The following PAK2 variants were observed in gnomAD, a reference collection of about 807,000 sequenced individuals.
The protein encoded by PAK2 is serine/threonine-protein kinase PAK 2.
Under a neutral mutation model 65.9 loss-of-function variants are expected in PAK2, and 21 were observed. The observed-to-expected ratio is 0.32, with a 90% CI of 0.23 to 0.46. The LOEUF (loss-of-function observed/expected upper bound fraction) is 0.46. PAK2 is among the 20% of genes least tolerant of loss of function. The pLI, the probability that PAK2 is intolerant of heterozygous loss-of-function variation, is 1.00. For synonymous variants in PAK2, 204 were observed against 219.7 expected (o/e 0.93, Z 0.63); for missense variants, 324 against 642.6 (o/e 0.50, Z 5.36).
intron 11 of PAK2, among the ~76,000 whole-genome samples, chr3:196,815,837 A>G (rs1262349460): frequency 6.6e-6 from 1 of 151,970 alleles, no homozygotes; most frequent in East Asian, 1.9e-4. Context: ...AACTAGAACT[A>G]TCTCAGGTCA....
rs941513466 is a variant in PAK2, at chr3:196,739,897, G to A, written c.-282G>A. The A allele has an allele frequency of 2.0e-5, 3 of 152,144 alleles. No homozygotes were observed. The highest frequency in any genetic ancestry group is 7.3e-5 in the African/African-American group (3 of 41,372). 9.4% of individuals were successfully genotyped at this position (152,144 alleles called of 1,614,324 possible). On this transcript the variant is annotated 5_prime_UTR_variant, in exon 1 of 15. Coordinates refer to ENST00000327134, the MANE Select transcript of PAK2 (RefSeq NM_002577.4). The stretch of plus-strand genomic sequence containing the variant: ...GGTTGTGGCCACGCGCAGCGGCGGC[G>A]GTTGTTCCGCTTCCCCTCCGGCCCG...
chr3:196,810,628 A>G lies in PAK2; in HGVS notation c.748A>G (p.Thr250Ala), dbSNP rs772147263. The G allele has an allele frequency of 1.9e-6, 3 of 1,551,986 alleles. No homozygotes were observed. Among genetic ancestry groups the G allele is most frequent in the African/African-American group, 1.4e-5 (1 of 73,724 alleles). The change falls in exon 8 of 15, where the codon ACA becomes GCA. Residue 250 changes from threonine (T) to alanine (A), a missense_variant. This residue lies in a region of PAK2 where 183 missense variants were observed against 246.2 expected (regional missense o/e 0.74). Transcript: ENST00000327134. Reference sequence around the variant, plus strand: ...CATAGGTGACCCTAAGAAAAAATATACAAGATATGAAAAAATTGGACAAGG... The same window carrying G: ...CATAGGTGACCCTAAGAAAAAATATGCAAGATATGAAAAAATTGGACAAGG... The part of the protein sequence containing the change: ...VSIGDPKKKY[T>A]RYEKIGQGAS...
At chr3:196,778,499 T>G (rs770074867) in intron 1 of PAK2, among the ~76,000 whole-genome samples, 22 of 152,210 alleles carry the variant, frequency 1.4e-4, no homozygotes, top group Non-Finnish European at 2.5e-4. Context: ...TAGGGGATAA[T>G]TTTAGATTTA....
rs150440729 is a variant in PAK2, at chr3:196,791,490, T to G, written c.187+8657T>G. On this transcript the variant is annotated intron_variant, in intron 2 of 14. Transcript: ENST00000327134. The surrounding 1 kb of genome is among the most constrained non-coding windows in gnomAD (Gnocchi z 4.0). Reference sequence around the variant, plus strand: ...TCTCTAAACTCTTAACGTTTCCAAGTTGAAGAATATGACTAGGCCTTAGAC... The same window carrying G: ...TCTCTAAACTCTTAACGTTTCCAAGGTGAAGAATATGACTAGGCCTTAGAC... Among the ~76,000 whole-genome samples the G allele has an allele frequency of 2.0e-3, 311 of 152,338 alleles. 4 individuals are homozygous for G. The highest frequency in any genetic ancestry group is 6.8e-3 in the African/African-American group (283 of 41,580).
chr3:196,789,482 C>CT (rs60083205), intron 2 of PAK2, among the ~76,000 whole-genome samples: 11 of 150,576 alleles, frequency 7.3e-5, no homozygotes, highest in African/African-American at 2.5e-4. Context: ...TTTCTTTTTT[C>CT]TTTTTTGTTT....
At chr3:196,771,780 A>T (rs1714368326) in intron 1 of PAK2, among the ~76,000 whole-genome samples, 1 of 151,756 alleles carries the variant, frequency 6.6e-6, no homozygotes, top group South Asian at 2.1e-4. Context: ...CTGGTCTCGA[A>T]CTCCCGACCT....
intron 2 of PAK2, among the ~76,000 whole-genome samples, chr3:196,795,301 A>G (rs549508551): frequency 9.9e-5 from 15 of 151,758 alleles, no homozygotes; most frequent in African/African-American, 3.4e-4. Context: ...ACAAAAAAAA[A>G]AAAAGAAAAA....
At chr3:196,761,882 C>T (rs1205207661) in intron 1 of PAK2, among the ~76,000 whole-genome samples, 5 of 148,838 alleles carry the variant, frequency 3.4e-5, no homozygotes, top group African/African-American at 9.9e-5. Context: ...CGGACGGAGA[C>T]GCTCCTCACT....
chr3:196,811,319 CTTCCTTCCCT>C, intron 8 of PAK2, among the ~76,000 whole-genome samples: 2 of 51,318 alleles, frequency 3.9e-5, no homozygotes, highest in Non-Finnish European at 7.8e-5. Context: ...CCTTCCTTTC[CTTCCTTCCCT>C]TCCCTCCCTT....
intron 2 of PAK2, among the ~76,000 whole-genome samples, chr3:196,798,928 T>C (rs1343510439): frequency 6.6e-6 from 1 of 152,132 alleles, no homozygotes; most frequent in Non-Finnish European, 1.5e-5. Flanking sequence ...AAACCTACCA[T>C]TGGCATTAAA....
intron 1 of PAK2, among the ~76,000 whole-genome samples, chr3:196,777,589 T>G (rs1484012286): frequency 6.6e-6 from 1 of 152,232 alleles, no homozygotes; most frequent in Admixed American, 6.5e-5. Context: ...TCATTAATGT[T>G]GACAAGTGTA....
intron 2 of PAK2, among the ~76,000 whole-genome samples, chr3:196,799,842 G>A (rs766391184): frequency 6.6e-6 from 1 of 152,104 alleles, no homozygotes; most frequent in Non-Finnish European, 1.5e-5. Flanking sequence ...TTGAACTCCT[G>A]GCCTTATGTG....
In PAK2 at chr3:196,828,660, C is replaced by A; in HGVS notation, c.*255C>A. 1 of 420,412 alleles carries A rather than the reference C, an allele frequency of 2.4e-6. No homozygotes were observed. Among genetic ancestry groups the A allele is most frequent in the South Asian group, 3.1e-5 (1 of 32,344 alleles). 26.0% of individuals were successfully genotyped at this position (420,412 alleles called of 1,614,324 possible). ...AGCCTTAGGTCTTTCAGCAAACAGC[C>A]TATCAGGGCCATTTATCATGTGTGA... On this transcript the variant is annotated 3_prime_UTR_variant, in exon 15 of 15. Coordinates refer to ENST00000327134, the MANE Select transcript of PAK2 (RefSeq NM_002577.4).
intron 2 of PAK2, among the ~76,000 whole-genome samples, chr3:196,789,320 G>T (rs1714991997): frequency 6.6e-6 from 1 of 152,000 alleles, no homozygotes; most frequent in Non-Finnish European, 1.5e-5. Flanking sequence ...TTCACTTCTG[G>T]TTGGTTATGA....
chr3:196,759,496 TTG>T lies in PAK2; in HGVS notation c.-22+19341_-22+19342del, dbSNP rs1477738758. ...AAGGTATACAGTTAAGTGGTTTTTT[TTG>T]TTTTTTTTTTTTTTTTTTTTTTTTT... On this transcript the variant is annotated intron_variant, in intron 1 of 14. Transcript: ENST00000327134. Among the ~76,000 whole-genome samples, 310 of 107,848 alleles carry T rather than the reference TTG, an allele frequency of 2.9e-3. 18 individuals carry two copies. Among genetic ancestry groups the T allele is most frequent in the Non-Finnish European group, 4.0e-3 (224 of 55,460 alleles). 70.8% of individuals were successfully genotyped at this position (107,848 alleles called of 152,430 possible). A position where few individuals can be genotyped will look rare whatever the true frequency, so the allele number is the denominator to read the frequency against.
Position 196,820,348 on chromosome 3 carries a change from C to CCCTGT in PAK2, c.1154-23_1154-22insCCTGT. The CCCTGT allele has an allele frequency of 6.8e-7, 1 of 1,472,508 alleles. No homozygotes were observed. The highest frequency in any genetic ancestry group is 9.2e-7 in the Non-Finnish European group (1 of 1,092,742). The allele number at this position is 1,472,508 out of a possible 1,614,324, so 91.2% of individuals were successfully genotyped here. On this transcript the variant is annotated intron_variant, in intron 12 of 14. Coordinates refer to ENST00000327134, the MANE Select transcript of PAK2 (RefSeq NM_002577.4). The surrounding 1 kb of genome is among the most constrained non-coding windows in gnomAD (Gnocchi z 4.6). Reference sequence around the variant, plus strand: ...TAAAACCATCCATGGAAGCCATTAACTCTGTTTTGTTTTGTTTTGTAGCTG... The same window carrying CCCTGT: ...TAAAACCATCCATGGAAGCCATTAACCCTGTTCTGTTTTGTTTTGTTTTGTAGCTG...
Position 196,793,863 on chromosome 3 carries a change from G to A in PAK2, c.188-8064G>A, listed in dbSNP as rs147697226. The stretch of plus-strand genomic sequence containing the variant: ...GAAAATTCTCCCTGCTGGAGCGGTG[G>A]CTCACACCTGTAATCCCAGCACTTT... On this transcript the variant is annotated intron_variant, in intron 2 of 14. Transcript: ENST00000327134. Among the ~76,000 whole-genome samples the A allele has an allele frequency of 5.1e-3, 779 of 152,344 alleles. 3 individuals carry two copies. The highest frequency in any genetic ancestry group is 6.8e-3 in the Non-Finnish European group (462 of 68,030).
rs1382319370 is a variant in PAK2 at position 196,811,313 on chromosome 3, CCTTT to C, written c.773+662_773+665del. On this transcript the variant is annotated intron_variant, in intron 8 of 14. Transcript: ENST00000327134. The stretch of plus-strand genomic sequence containing the variant: ...CTTCCCTCCCTCCCTTCCTTCCCTT[CCTTT>C]CCTTCCTTCCCTTCCCTCCCTTCCC... Among the ~76,000 whole-genome samples the C allele has an allele frequency of 2.4e-4, 6 of 24,910 alleles. 1 individual carries two copies. Among genetic ancestry groups the C allele is most frequent in the African/African-American group, 3.3e-4 (2 of 6,066 alleles). The allele number at this position is 24,910 out of a possible 152,430, so 16.3% of individuals were successfully genotyped here. A position where few individuals can be genotyped will look rare whatever the true frequency, so the allele number is the denominator to read the frequency against.
chr3:196,768,225 G>A (rs1714238032), intron 1 of PAK2, among the ~76,000 whole-genome samples: 1 of 151,982 alleles, frequency 6.6e-6, no homozygotes, highest in Non-Finnish European at 1.5e-5. Context: ...TTGAATGCCA[G>A]CAGAACTGCT....
Sources: allele counts gnomAD v4.1 joint callset (sites outside exome capture counted in the v4.1 genomes callset), GRCh38; gene constraint gnomAD v4.1.1; regional missense constraint gnomAD v4.1.1; non-coding constraint Gnocchi (gnomAD v3.1); transcripts MANE v1.5; gene names NCBI Gene and HGNC (gene_info 2026-07-23, HGNC 2026-07-21).